JADE3: variants seen among roughly 807,000 people sequenced by gnomAD.
JADE3 encodes jade family PHD finger 3, also known as protein Jade-3.
Under a neutral mutation model 50.1 loss-of-function variants are expected in JADE3, and 2 were observed. The observed-to-expected ratio is 0.04, with a 90% CI of 0.02 to 0.13. The LOEUF (loss-of-function observed/expected upper bound fraction) is 0.13. JADE3 is among the 10% of genes least tolerant of loss of function. JADE3 has a pLI of 1.00. For missense variants in JADE3, 475 were observed against 634.4 expected (o/e 0.75, Z 2.70); for synonymous variants, 218 against 232.9 (o/e 0.94, Z 0.58).
intron 1 of JADE3, among the ~76,000 whole-genome samples, chrX:46,975,714 C>CTTTTTTTTTT (rs782578317): frequency 9.9e-5 from 4 of 40,518 alleles, no homozygotes; most frequent in Non-Finnish European, 1.2e-4. Flanking sequence ...TTTTCTTTTT[C>CTTTTTTTTTT]TTTTTTTTTT....
At chrX:46,936,216 G>A (rs1360337652) in intron 1 of JADE3, among the ~76,000 whole-genome samples, 5 of 109,856 alleles carry the variant, frequency 4.6e-5, no homozygotes, top group African/African-American at 1.7e-4. Flanking sequence ...ACGGGGTTTC[G>A]CCATGTTGGC....
intron 8 of JADE3, among the ~76,000 whole-genome samples, chrX:47,043,636 G>C (rs1556370128): frequency 9.1e-6 from 1 of 110,365 alleles, no homozygotes; most frequent in Non-Finnish European, 1.9e-5. Context: ...TGGCTAACAT[G>C]GTGAAACCCC....
intron 6 of JADE3, among the ~76,000 whole-genome samples, chrX:47,030,348 T>C (rs782626493): frequency 5.4e-5 from 6 of 111,718 alleles, no homozygotes; most frequent in Non-Finnish European, 1.1e-4. Context: ...ATGATACCCC[T>C]TTCTCACATA....
chrX:46,926,824 A>G (rs1200482844), intron 1 of JADE3, among the ~76,000 whole-genome samples: 1 of 112,408 alleles, frequency 8.9e-6, no homozygotes, highest in South Asian at 3.7e-4. Context: ...TCCAAGTTGT[A>G]TATATCAATG....
chrX:46,989,348 G>C (rs1171933759), intron 3 of JADE3, among the ~76,000 whole-genome samples: 2 of 111,690 alleles, frequency 1.8e-5, no homozygotes, highest in Admixed American at 1.9e-4. Context: ...ATTTGTTTCT[G>C]TTTGAAGAAT....
At chrX:47,027,591 T>C (rs1928932359) in intron 5 of JADE3, among the ~76,000 whole-genome samples, 1 of 111,984 alleles carries the variant, frequency 8.9e-6, no homozygotes, top group Non-Finnish European at 1.9e-5. Flanking sequence ...AGAGAAAATA[T>C]AGAGATTTAA....
At chrX:47,052,506 C>T (rs1369135923) in intron 8 of JADE3, among the ~76,000 whole-genome samples, 6 of 106,752 alleles carry the variant, frequency 5.6e-5, no homozygotes, top group African/African-American at 2.1e-4. Context: ...TGGTGGCAGG[C>T]ACGTGTAGTC....
At position 47,058,344 on chromosome X, in the gene JADE3, A is replaced by T; in HGVS notation, c.1739A>T (p.Gln580Leu). Residue 580 changes from glutamine to leucine, a missense_variant, in exon 11 of 11, where the codon CAG becomes CTG. Gln to Leu is a moderately radical substitution (Grantham distance 113, BLOSUM62 -2). Coordinates refer to ENST00000614628, the MANE Select transcript of JADE3 (RefSeq NM_014735.5). Reference protein sequence around the residue: ...SSSVHSIRNMQVPQESLEMRT... With the variant: ...SSSVHSIRNMLVPQESLEMRT... ...TCTGTTCACAGTATAAGGAACATGC[A>T]GGTGCCTCAGGAGTCACTAGAAATG... 1 of 1,211,000 alleles carries T rather than the reference A, an allele frequency of 8.3e-7. No individual in the cohort carries two copies. The highest frequency in any genetic ancestry group is 1.1e-6 in the Non-Finnish European group (1 of 894,955).
chrX:46,931,863 A>G (rs184432804), intron 1 of JADE3, among the ~76,000 whole-genome samples: 2 of 112,188 alleles, frequency 1.8e-5, no homozygotes, highest in South Asian at 3.7e-4. Flanking sequence ...AAACTTGCAT[A>G]TAATAGGCAC....
intron 4 of JADE3, among the ~76,000 whole-genome samples, chrX:47,023,004 A>G (rs1165839585): frequency 9.0e-6 from 1 of 111,292 alleles, no homozygotes; most frequent in African/African-American, 3.3e-5. Flanking sequence ...AAGGAATATA[A>G]AAACAATAAC....
intron 8 of JADE3, among the ~76,000 whole-genome samples, chrX:47,053,772 A>G (rs1472967441): frequency 1.8e-5 from 2 of 112,199 alleles, no homozygotes; most frequent in African/African-American, 6.5e-5. Context: ...TTTAAGATCT[A>G]TCCCTAAGGA....
intron 3 of JADE3, among the ~76,000 whole-genome samples, chrX:46,994,125 G>A (rs782763309): frequency 8.9e-6 from 1 of 112,402 alleles, no homozygotes; most frequent in Non-Finnish European, 1.9e-5. Context: ...TCACACAAAT[G>A]TTCAGAGGAG....
At chrX:46,974,810 C>G (rs782355183) in intron 1 of JADE3, among the ~76,000 whole-genome samples, 8 of 112,402 alleles carry the variant, frequency 7.1e-5, no homozygotes, top group Non-Finnish European at 1.5e-4. Context: ...TAAAATCAAG[C>G]TGATCATTTC....
chrX:47,007,385 A>G (rs782205121), intron 4 of JADE3, among the ~76,000 whole-genome samples: 1 of 111,646 alleles, frequency 9.0e-6, no homozygotes, highest in African/African-American at 3.3e-5. Flanking sequence ...TGAGGTCTAT[A>G]GCTATAATCA....
chrX:46,914,378 A>G (rs1926037106), intron 1 of JADE3, among the ~76,000 whole-genome samples: 1 of 111,925 alleles, frequency 8.9e-6, no homozygotes, highest in African/African-American at 3.3e-5. Context: ...GCATCATGTG[A>G]TTACTCTTCG....
intron 4 of JADE3, among the ~76,000 whole-genome samples, chrX:47,016,813 C>A (rs1215342104): frequency 9.1e-6 from 1 of 110,392 alleles, no homozygotes; most frequent in Non-Finnish European, 1.9e-5. Context: ...AGCTACCATG[C>A]CTGTCTTGAG....
intron 8 of JADE3, among the ~76,000 whole-genome samples, chrX:47,049,181 C>CTTTTTT (rs376747614): frequency 6.4e-5 from 5 of 77,552 alleles, no homozygotes; most frequent in Non-Finnish European, 1.2e-4. Flanking sequence ...CTTTCTTCTT[C>CTTTTTT]TTTTTTTTTT....
intron 10 of JADE3, 34 bp from the exon 11 acceptor site, chrX:47,058,133 G>A (rs781999780): frequency 1.2e-5 from 14 of 1,127,757 alleles, no homozygotes; most frequent in Middle Eastern, 2.4e-4. Flanking sequence ...TATTTAAATC[G>A]GTTGTTAAAA....
chrX:47,037,099 T>TA (rs782695466), intron 7 of JADE3, among the ~76,000 whole-genome samples: 2 of 87,466 alleles, frequency 2.3e-5, no homozygotes, highest in Non-Finnish European at 4.1e-5. Context: ...CCCTAAAACT[T>TA]AAAGTATAAT....
Sources: allele counts gnomAD v4.1 joint callset (sites outside exome capture counted in the v4.1 genomes callset), GRCh38; gene constraint gnomAD v4.1.1; transcripts MANE v1.5; gene names NCBI Gene and HGNC (gene_info 2026-07-23, HGNC 2026-07-21).